The following IDE variants were observed in gnomAD, a reference collection of about 807,000 sequenced individuals.
IDE encodes the protein insulin-degrading enzyme.
In IDE, 58 loss-of-function variants were observed where a neutral mutation model predicts 133.2. The observed-to-expected ratio is 0.44, with a 90% CI of 0.35 to 0.54. The LOEUF is 0.54. IDE is among the 20% of genes least tolerant of loss of function. IDE has a pLI of 0.00. For missense variants in IDE, 981 were observed against 1,234.0 expected (o/e 0.79, Z 3.07); for synonymous variants, 396 against 421.3 (o/e 0.94, Z 0.73).
chr10:92,472,806 T>C (rs890297763), intron 17 of IDE, among the ~76,000 whole-genome samples: 2 of 150,020 alleles, frequency 1.3e-5, no homozygotes, highest in African/African-American at 4.9e-5. Context: ...GCCCAGCTAA[T>C]TTTTGTATTT....
chr10:92,489,955 T>G (rs1847244572), intron 12 of IDE, among the ~76,000 whole-genome samples: 1 of 152,204 alleles, frequency 6.6e-6, no homozygotes, highest in Non-Finnish European at 1.5e-5. Context: ...TAGGTAACAT[T>G]CACAAGCAAA....
chr10:92,506,566 T>C (rs753229740), intron 9 of IDE, 44 bp from the exon 10 acceptor site: 4 of 948,708 alleles, frequency 4.2e-6, no homozygotes, highest in Admixed American at 4.2e-5. Context: ...CACCCTTATT[T>C]AGAAACCTTT....
At chr10:92,538,885 C>G (rs1388947096) in intron 1 of IDE, among the ~76,000 whole-genome samples, 1 of 151,936 alleles carries the variant, frequency 6.6e-6, no homozygotes, top group Non-Finnish European at 1.5e-5. Context: ...GAAAAATAAC[C>G]CTCTATGAGC....
At position 92,534,788 on chromosome 10, in the gene IDE, G is replaced by C. The variant is rs747757736; in HGVS notation, c.284-3C>G. The C allele has an allele frequency of 6.2e-7, 1 of 1,608,586 alleles. No individual in the cohort carries two copies. The highest frequency in any genetic ancestry group is 8.5e-7 in the Non-Finnish European group (1 of 1,176,370). On this transcript the variant is annotated splice_polypyrimidine_tract_variant and splice_region_variant and intron_variant, in intron 2 of 24. Coordinates refer to ENST00000265986, the MANE Select transcript of IDE (RefSeq NM_004969.4). Reference sequence around the variant, plus strand: ...ATTTGGAGGATCCGACAATGAACCTGAAAGAGAAAACACGTATATAATAAA... The same window carrying C: ...ATTTGGAGGATCCGACAATGAACCTCAAAGAGAAAACACGTATATAATAAA...
At chr10:92,553,871 A>T (rs905424666) in intron 1 of IDE, among the ~76,000 whole-genome samples, 1 of 152,178 alleles carries the variant, frequency 6.6e-6, no homozygotes, top group Non-Finnish European at 1.5e-5. Context: ...CCCAGGACCC[A>T]TGGCTTTCCT....
chr10:92,547,222 C>CGCCA (rs1400082015), intron 1 of IDE, among the ~76,000 whole-genome samples: 12 of 150,838 alleles, frequency 8.0e-5, no homozygotes, highest in Middle Eastern at 3.4e-3. Context: ...TACAGGCATA[C>CGCCA]GCCACCATGC....
At chr10:92,524,833 A>C (rs1413640763) in intron 4 of IDE, among the ~76,000 whole-genome samples, 2 of 151,938 alleles carry the variant, frequency 1.3e-5, no homozygotes, top group East Asian at 3.9e-4. Flanking sequence ...GAGGCAGGAG[A>C]ATTGCTTGAA....
At chr10:92,503,394 T>C (rs1417888849) in intron 11 of IDE, among the ~76,000 whole-genome samples, 1 of 152,184 alleles carries the variant, frequency 6.6e-6, no homozygotes, top group Non-Finnish European at 1.5e-5. Flanking sequence ...GGTCTTAAAC[T>C]CCTAGTCTCA....
chr10:92,480,972 CA>C (rs1846569529), intron 14 of IDE: 1 of 822,428 alleles, frequency 1.2e-6, no homozygotes, highest in Non-Finnish European at 1.5e-6. Context: ...GAATTAAAAT[CA>C]AAGACAAAGT....
intron 13 of IDE, among the ~76,000 whole-genome samples, chr10:92,485,114 T>A (rs930994078): frequency 8.3e-5 from 9 of 107,870 alleles, no homozygotes; most frequent in African/African-American, 3.7e-4. Context: ...TTTTTCTTTC[T>A]TTCTTTCTTT....
intron 11 of IDE, among the ~76,000 whole-genome samples, chr10:92,500,211 C>T (rs10786048): frequency 0.37 from 56,747 of 151,574 alleles, 11,329 homozygotes; most frequent in East Asian, 0.67. Context: ...GCAAGAGAAT[C>T]GCTTAAACTC....
chr10:92,547,511 T>C (rs1371004015), intron 1 of IDE, among the ~76,000 whole-genome samples: 1 of 152,158 alleles, frequency 6.6e-6, no homozygotes, highest in Non-Finnish European at 1.5e-5. Flanking sequence ...TGGGATCAGA[T>C]GTATTTCAGA....
chr10:92,536,436 C>T (rs1330072809), intron 2 of IDE, among the ~76,000 whole-genome samples: 21 of 149,542 alleles, frequency 1.4e-4, no homozygotes, highest in African/African-American at 2.7e-4. Context: ...CAGTGGCTCA[C>T]GCCTGTAATC....
intron 13 of IDE, among the ~76,000 whole-genome samples, chr10:92,485,419 T>A (rs1846931782): frequency 1.3e-5 from 2 of 152,162 alleles, no homozygotes; most frequent in Admixed American, 6.6e-5. Flanking sequence ...GCATCTGGCC[T>A]AACTTAAATG....
intron 11 of IDE, among the ~76,000 whole-genome samples, chr10:92,497,388 A>T (rs914836741): frequency 6.6e-6 from 1 of 152,248 alleles, no homozygotes; most frequent in Non-Finnish European, 1.5e-5. Flanking sequence ...CCTTGGAAGA[A>T]GTTAAACTGA....
chr10:92,461,052 G>T lies in IDE; in HGVS notation c.2823+139C>A. 9.6e-6 allele frequency: 5 copies of T among 522,220 alleles called. No homozygotes were observed. In the South Asian group the frequency reaches 1.1e-4, roughly 11 times the overall value. 32.3% of individuals were successfully genotyped at this position (522,220 alleles called of 1,614,324 possible). On this transcript the variant is annotated intron_variant, in intron 22 of 24. Coordinates refer to ENST00000265986, the MANE Select transcript of IDE (RefSeq NM_004969.4). The stretch of plus-strand genomic sequence containing the variant: ...AATGGGGTTTCACCATGTTGGCCAG[G>T]CTGGTCTTTAACTCCTGACCTCAAG...
chr10:92,488,674 G>C (rs890299098), intron 12 of IDE, among the ~76,000 whole-genome samples: 1 of 151,884 alleles, frequency 6.6e-6, no homozygotes, highest in Non-Finnish European at 1.5e-5. Flanking sequence ...CTACTTGGGA[G>C]GCTGAGGCAG....
intron 1 of IDE, among the ~76,000 whole-genome samples, chr10:92,551,413 C>G (rs890640306): frequency 7.9e-5 from 12 of 151,532 alleles, no homozygotes; most frequent in African/African-American, 2.7e-4. Context: ...ACTAAAAATA[C>G]AAAAATTAGC....
intron 17 of IDE, among the ~76,000 whole-genome samples, chr10:92,472,319 G>C (rs889386525): frequency 1.3e-5 from 2 of 152,076 alleles, no homozygotes; most frequent in African/African-American, 4.8e-5. Flanking sequence ...TTTGCTTTTT[G>C]ATCATTATAA....
Sources: gnomAD v4.1 joint callset for allele counts (sites outside exome capture counted in the v4.1 genomes callset) on GRCh38, gnomAD v4.1.1 for gene constraint, MANE v1.5 for transcripts, NCBI Gene and HGNC (gene_info 2026-07-23, HGNC 2026-07-21) for gene names.